The following SND1 variants were observed in gnomAD, a reference collection of about 807,000 sequenced individuals.
SND1 encodes staphylococcal nuclease domain-containing protein 1.
SND1 carries 38 observed loss-of-function variants against 121.7 expected under a neutral mutation model. The ratio of observed to expected loss-of-function variants is 0.31; its 90% CI spans 0.24 to 0.41. The LOEUF (loss-of-function observed/expected upper bound fraction) is 0.41, where lower values mean the gene tolerates loss of function less well. Ranked by LOEUF, SND1 falls within the 10% of genes least tolerant of loss-of-function variation. SND1 has a pLI of 1.00. For synonymous variants in SND1, 401 were observed against 447.4 expected (o/e 0.90, Z 1.31); for missense variants, 868 against 1,184.6 (o/e 0.73, Z 3.92).
At chr7:128,008,737 T>C (rs1213974488) in intron 16 of SND1, among the ~76,000 whole-genome samples, 1 of 152,210 alleles carries the variant, frequency 6.6e-6, no homozygotes, top group Non-Finnish European at 1.5e-5. Flanking sequence ...GTCTGGGGGT[T>C]TCTCCCACCC....
At chr7:127,872,638 AC>A (rs1563042943) in intron 12 of SND1, among the ~76,000 whole-genome samples, 184 of 136,068 alleles carry the variant, frequency 1.4e-3, no homozygotes, top group Non-Finnish European at 2.4e-3. Flanking sequence ...GCACACACAC[AC>A]ACACACACAC....
chr7:127,855,013 G>A (rs1227928656), intron 12 of SND1, among the ~76,000 whole-genome samples: 3 of 147,886 alleles, frequency 2.0e-5, no homozygotes, highest in Non-Finnish European at 4.5e-5. Flanking sequence ...AGTGCTGAGT[G>A]CTTTTTTTTT....
chr7:127,697,053 CTT>C (rs773263766), intron 3 of SND1, among the ~76,000 whole-genome samples: 4 of 152,044 alleles, frequency 2.6e-5, no homozygotes, highest in African/African-American at 9.7e-5. Flanking sequence ...TTGCTACCCA[CTT>C]TTTTTTATGA....
At chr7:127,855,361 C>A (rs554738462) in intron 12 of SND1, among the ~76,000 whole-genome samples, 1 of 152,288 alleles carries the variant, frequency 6.6e-6, no homozygotes, top group Non-Finnish European at 1.5e-5. Context: ...GTTCTCCCAC[C>A]TTGGCCTCCC....
Position 127,887,886 on chromosome 7 carries a change from A to G in SND1, c.1344-16A>G, listed in dbSNP as rs764368804. On this transcript the variant is annotated splice_polypyrimidine_tract_variant and intron_variant, in intron 12 of 23. Coordinates refer to ENST00000354725, the MANE Select transcript of SND1 (RefSeq NM_014390.4). ...ATGCACTTCTAGTGCTCACTGACCT[A>G]TCTTTTCTGTTGCAGAAACATTGCT... is the stretch of plus-strand genomic sequence containing the variant. The G allele has an allele frequency of 1.7e-5, 27 of 1,585,694 alleles. No individual in the cohort carries two copies. The Middle Eastern group carries it at 8.3e-4, about 49-fold the overall frequency.
intron 18 of SND1, among the ~76,000 whole-genome samples, chr7:128,082,701 G>A (rs1194297243): frequency 2.0e-5 from 3 of 152,144 alleles, no homozygotes; most frequent in Non-Finnish European, 4.4e-5. Context: ...AAGGAGTCTT[G>A]TAGTGGTGGT....
chr7:127,667,310 G>A (rs1203638859), intron 1 of SND1, among the ~76,000 whole-genome samples: 2 of 152,242 alleles, frequency 1.3e-5, no homozygotes, highest in African/African-American at 4.8e-5. Flanking sequence ...CTGAAGAAGA[G>A]TAAATGCAGT....
rs563065569 is a variant in SND1, at chr7:128,041,576, G to C, written c.1780-32926G>C. ...TTTATATCTAGAGGAATTGGGGATA[G>C]GTGAACATGATCTAAACGTGCTAGA... On this transcript the variant is annotated intron_variant, in intron 16 of 23. Transcript: ENST00000354725. Among the ~76,000 whole-genome samples the C allele has an allele frequency of 8.5e-5, 13 of 152,284 alleles. No individual in the cohort carries two copies. The South Asian group carries it at 2.7e-3, about 32-fold the overall frequency.
intron 16 of SND1, among the ~76,000 whole-genome samples, chr7:128,032,312 TC>T (rs1157822458): frequency 8.7e-6 from 1 of 114,358 alleles, no homozygotes; most frequent in Non-Finnish European, 1.9e-5. Context: ...TCTCTCCCCC[TC>T]CCCCCTCCCC....
intron 12 of SND1, among the ~76,000 whole-genome samples, chr7:127,847,307 A>G (rs955023332): frequency 6.6e-6 from 1 of 152,114 alleles, no homozygotes. Flanking sequence ...CTCCATTAAT[A>G]TTATAGAAAA....
rs186308938 is a variant in SND1, at chr7:127,683,802, A to C, written c.79-2811A>C. On this transcript the variant is annotated intron_variant, in intron 1 of 23. Coordinates refer to ENST00000354725, the MANE Select transcript of SND1 (RefSeq NM_014390.4). ...GACAGCTGCTTGAATTCATATATTC[A>C]ATGGTATAAAAGGTGTAGAGAGCCT... Among the ~76,000 whole-genome samples the C allele has an allele frequency of 2.5e-3, 381 of 152,318 alleles. 2 individuals are homozygous for C. Among genetic ancestry groups the C allele is most frequent in the African/African-American group, 8.6e-3 (357 of 41,568 alleles).
chr7:127,793,722 C>T (rs1266619872), intron 10 of SND1, among the ~76,000 whole-genome samples: 1 of 152,098 alleles, frequency 6.6e-6, no homozygotes, highest in Non-Finnish European at 1.5e-5. Context: ...GTCTCACGTC[C>T]CATGTCATTC....
At chr7:128,090,659 C>T (rs992555416) in intron 22 of SND1, among the ~76,000 whole-genome samples, 3 of 152,204 alleles carry the variant, frequency 2.0e-5, no homozygotes, top group South Asian at 2.1e-4. Context: ...CTCTTCCATT[C>T]GCCCACTGCT....
chr7:128,018,716 G>A (rs1803282472), intron 16 of SND1, among the ~76,000 whole-genome samples: 1 of 152,202 alleles, frequency 6.6e-6, no homozygotes, highest in Non-Finnish European at 1.5e-5. Context: ...TCACAGGCAA[G>A]CCACCAGGGG....
At chr7:127,947,075 A>G (rs894457479) in intron 15 of SND1, among the ~76,000 whole-genome samples, 5 of 152,198 alleles carry the variant, frequency 3.3e-5, no homozygotes, top group Non-Finnish European at 5.9e-5. Flanking sequence ...GCAGTTGTAC[A>G]TCCTGGTTTT....
intron 13 of SND1, among the ~76,000 whole-genome samples, chr7:127,897,481 A>T (rs1800143372): frequency 6.6e-6 from 1 of 152,164 alleles, no homozygotes; most frequent in Non-Finnish European, 1.5e-5. Flanking sequence ...ATAATTACAA[A>T]TATAGTTACA....
chr7:128,012,602 G>A (rs2116950259), intron 16 of SND1, among the ~76,000 whole-genome samples: 1 of 152,290 alleles, frequency 6.6e-6, no homozygotes, highest in African/African-American at 2.4e-5. Flanking sequence ...GGCCTCTTTT[G>A]TGTCTTCAGT....
At chr7:127,789,456 TTA>T (rs1237144887) in intron 10 of SND1, among the ~76,000 whole-genome samples, 7 of 152,250 alleles carry the variant, frequency 4.6e-5, no homozygotes, top group African/African-American at 1.7e-4. Flanking sequence ...TTGAATTTTT[TTA>T]TAGCTAAAAT....
chr7:127,711,666 A>G (rs1421947567), intron 9 of SND1, among the ~76,000 whole-genome samples: 1 of 151,844 alleles, frequency 6.6e-6, no homozygotes, highest in Non-Finnish European at 1.5e-5. Flanking sequence ...GTTGGTTTCC[A>G]TCTAGAATCT....
Sources: allele counts gnomAD v4.1 joint callset (sites outside exome capture counted in the v4.1 genomes callset), GRCh38; gene constraint gnomAD v4.1.1; transcripts MANE v1.5; gene names NCBI Gene and HGNC (gene_info 2026-07-23, HGNC 2026-07-21).